HMCES: variants seen among roughly 807,000 people sequenced by gnomAD.
HMCES encodes the protein abasic site processing protein HMCES.
In HMCES, 27 loss-of-function variants were observed where a neutral mutation model predicts 35.1. The ratio of observed to expected loss-of-function variants is 0.77; its 90% CI spans 0.57 to 1.06. The LOEUF (loss-of-function observed/expected upper bound fraction) is 1.06. HMCES is among the 50% of genes least tolerant of loss of function. The probability of loss-of-function intolerance (pLI) is 0.00; values close to 1 mark genes in which losing one functional copy is unlikely to be tolerated. For synonymous variants in HMCES, 130 were observed against 154.7 expected, an observed-to-expected ratio of 0.84 and a Z score of 1.18; for missense variants, 391 against 430.4, an observed-to-expected ratio of 0.91 and a Z score of 0.81.
intron 5 of HMCES, among the ~76,000 whole-genome samples, chr3:129,299,469 G>A (rs577639853): frequency 2.6e-5 from 4 of 151,974 alleles, no homozygotes; most frequent in Admixed American, 1.3e-4. Context: ...ATTCTTTAGC[G>A]CATTTTCATC....
At chr3:129,282,400 C>T (rs148707988) in intron 2 of HMCES, among the ~76,000 whole-genome samples, 46 of 150,812 alleles carry the variant, frequency 3.1e-4, no homozygotes, top group African/African-American at 1.1e-3. Flanking sequence ...TAGAAGTATA[C>T]ATAGATTATG....
chr3:129,295,692 C>G (rs1560076593), intron 4 of HMCES, among the ~76,000 whole-genome samples: 1 of 152,122 alleles, frequency 6.6e-6, no homozygotes, highest in Non-Finnish European at 1.5e-5. Flanking sequence ...TTTGAGAAGT[C>G]TAGTGTATAA....
At position 129,305,898 on chromosome 3, in the gene HMCES, G is replaced by C. The variant is rs1322694978; in HGVS notation, c.*1073G>C. On this transcript the variant is annotated 3_prime_UTR_variant, in exon 7 of 7. Transcript: ENST00000383463. ...ACAGGCTTTTCCCCTGGTTTCGGGA[G>C]GGGTGGGGAGCCAGGTGGGGCTCCC... The C allele has an allele frequency of 6.6e-6, 1 of 152,342 alleles. No individual in the cohort carries two copies. The highest frequency in any genetic ancestry group is 6.5e-5 in the Admixed American group (1 of 15,292). 9.4% of individuals were successfully genotyped at this position (152,342 alleles called of 1,614,324 possible). A position where few individuals can be genotyped will look rare whatever the true frequency, so the allele number is the denominator to read the frequency against.
chr3:129,280,994 C>T (rs138024558), intron 2 of HMCES, among the ~76,000 whole-genome samples: 1,755 of 152,122 alleles, frequency 0.012, 24 homozygotes, highest in African/African-American at 0.039. Context: ...GAGGTGGAGG[C>T]GGGCGGATCA....
Position 129,280,426 on chromosome 3 carries a change from G to A in HMCES, c.183+511G>A, listed in dbSNP as rs117712255. 0.015 allele frequency among the ~76,000 whole-genome samples: 2,322 copies of A among 152,198 alleles called. 179 individuals are homozygous for A. In the East Asian group the frequency reaches 0.23, roughly 15 times the overall value. On this transcript the variant is annotated intron_variant, in intron 2 of 6. Coordinates refer to ENST00000383463, the MANE Select transcript of HMCES (RefSeq NM_020187.3). ...GTGGGAAGATCACTTGAGCTGGGGAGGTCGAGGCTTCATGAGCCATGGTTG... is the reference window on the plus strand; with the variant it reads ...GTGGGAAGATCACTTGAGCTGGGGAAGTCGAGGCTTCATGAGCCATGGTTG...
intron 2 of HMCES, among the ~76,000 whole-genome samples, chr3:129,287,924 G>T (rs946942010): frequency 6.6e-5 from 10 of 152,298 alleles, no homozygotes; most frequent in African/African-American, 2.4e-4. Context: ...TGGCGTGGTG[G>T]TGGAAGCCTG....
chr3:129,304,145 G>A (rs1439514731), intron 6 of HMCES, among the ~76,000 whole-genome samples: 1 of 152,202 alleles, frequency 6.6e-6, no homozygotes, highest in Non-Finnish European at 1.5e-5. Flanking sequence ...TGTAAAGGAA[G>A]CAGAAGGGAG....
At chr3:129,292,821 A>AC (rs1056433380) in intron 4 of HMCES, among the ~76,000 whole-genome samples, 8 of 152,130 alleles carry the variant, frequency 5.3e-5, no homozygotes, top group African/African-American at 1.9e-4. Flanking sequence ...TAACAAGAAG[A>AC]CAGGAGTCCA....
rs1940404244 is a variant in HMCES, at chr3:129,279,601, C to T, written c.-23-109C>T. 2.7e-6 allele frequency: 3 copies of T among 1,093,734 alleles called. No individual in the cohort carries two copies. The African/African-American group carries it at 4.8e-5, about 18-fold the overall frequency. 67.8% of individuals were successfully genotyped at this position (1,093,734 alleles called of 1,614,324 possible). A position where few individuals can be genotyped will look rare whatever the true frequency, so the allele number is the denominator to read the frequency against. On this transcript the variant is annotated intron_variant, in intron 1 of 6. Coordinates refer to ENST00000383463, the MANE Select transcript of HMCES (RefSeq NM_020187.3). This position sits in a 1 kb window ranked among gnomAD's most constrained non-coding sequence, Gnocchi z 4.2. ...TTTGGGGAAGACTTTAGACGGTGGT[C>T]ACGGAGGGGCACGGCCCTGTGGGAA...
intron 2 of HMCES, among the ~76,000 whole-genome samples, chr3:129,285,033 C>T (rs1034710965): frequency 1.3e-5 from 2 of 152,166 alleles, no homozygotes; most frequent in Non-Finnish European, 2.9e-5. Context: ...CCTGAGACTG[C>T]GACTACTGAT....
intron 2 of HMCES, among the ~76,000 whole-genome samples, chr3:129,282,788 A>G (rs527412992): frequency 6.6e-6 from 1 of 152,282 alleles, no homozygotes; most frequent in South Asian, 2.1e-4. Flanking sequence ...TTCCTGTTTC[A>G]TTTATCCACC....
rs377163598 is a variant in HMCES at position 129,279,934 on chromosome 3, T to A, written c.183+19T>A. 2.6e-6 allele frequency: 4 copies of A among 1,531,920 alleles called. No homozygotes were observed. The highest frequency in any genetic ancestry group is 3.5e-6 in the Non-Finnish European group (4 of 1,141,218). 94.9% of individuals were successfully genotyped at this position (1,531,920 alleles called of 1,614,324 possible). ...TGAGAAGGTAACCAGCATTGCACTA[T>A]GCTAGCCCCTCGCCCAGCCTCGTGA... On this transcript the variant is annotated intron_variant, in intron 2 of 6. Coordinates refer to ENST00000383463, the MANE Select transcript of HMCES (RefSeq NM_020187.3). This position sits in a 1 kb window ranked among gnomAD's most constrained non-coding sequence, Gnocchi z 4.2.
chr3:129,290,028 A>C (rs2070987805), intron 3 of HMCES, among the ~76,000 whole-genome samples: 1 of 151,790 alleles, frequency 6.6e-6, no homozygotes, highest in Non-Finnish European at 1.5e-5. Context: ...TCTACTAAAA[A>C]TACAAAAAAT....
At chr3:129,300,504 C>A (rs1349810779) in intron 5 of HMCES, among the ~76,000 whole-genome samples, 1 of 152,216 alleles carries the variant, frequency 6.6e-6, no homozygotes, top group South Asian at 2.1e-4. Flanking sequence ...GCTGAGTACT[C>A]CCTGAAGTGA....
intron 2 of HMCES, among the ~76,000 whole-genome samples, chr3:129,284,061 C>T (rs1940567134): frequency 1.3e-5 from 2 of 152,198 alleles, no homozygotes; most frequent in Admixed American, 6.5e-5. Flanking sequence ...TATTTGTAAC[C>T]CCTAAATTCA....
Position 129,304,662 on chromosome 3 carries a change from CA to C in HMCES, c.907del (p.Thr303HisfsTer32). ...ACAAAGTCACCCAAAAAGGAAGACT[CA>C]AAAACACCTCAAAAGGAAGAGTCAG... is the stretch of plus-strand genomic sequence containing the variant. ...LATKSPKKED[S>X]KTPQKEESDV... On this transcript the variant is annotated frameshift_variant, in exon 7 of 7. Transcript: ENST00000383463. LOFTEE classifies it low-confidence loss of function (END_TRUNC). 6.2e-7 allele frequency: 1 copy of C among 1,614,184 alleles called. No individual in the cohort carries two copies. The highest frequency in any genetic ancestry group is 1.1e-5 in the South Asian group (1 of 91,074).
Position 129,285,654 on chromosome 3 carries a change from C to T in HMCES, c.184-3200C>T, listed in dbSNP as rs536850244. Among the ~76,000 whole-genome samples, 32 of 151,716 alleles carry T rather than the reference C, an allele frequency of 2.1e-4. No homozygotes were observed. The South Asian group carries it at 6.1e-3, about 29-fold the overall frequency. Reference sequence around the variant, plus strand: ...ATTTTTAGTAGAGACGGGGTTTCACCGTGTTAGCCAGGATGGTCTCGATCT... The same window carrying T: ...ATTTTTAGTAGAGACGGGGTTTCACTGTGTTAGCCAGGATGGTCTCGATCT... On this transcript the variant is annotated intron_variant, in intron 2 of 6. Coordinates refer to ENST00000383463, the MANE Select transcript of HMCES (RefSeq NM_020187.3).
chr3:129,284,091 A>G (rs186381535), intron 2 of HMCES, among the ~76,000 whole-genome samples: 43 of 152,306 alleles, frequency 2.8e-4, no homozygotes, highest in Admixed American at 2.0e-4. Flanking sequence ...TGCTTTTGCA[A>G]TCATTGGTGC....
intron 4 of HMCES, among the ~76,000 whole-genome samples, chr3:129,291,780 C>A (rs1275630413): frequency 6.6e-6 from 1 of 152,124 alleles, no homozygotes; most frequent in African/African-American, 2.4e-5. Context: ...CTTCATAAAA[C>A]TTTCACTGTG....
Sources: gnomAD v4.1 joint callset for allele counts (sites outside exome capture counted in the v4.1 genomes callset) on GRCh38, gnomAD v4.1.1 for gene constraint, Gnocchi (gnomAD v3.1) non-coding constraint, MANE v1.5 for transcripts, NCBI Gene and HGNC (gene_info 2026-07-23, HGNC 2026-07-21) for gene names.